GMDS: variants seen among roughly 807,000 people sequenced by gnomAD.
The protein encoded by GMDS is GDP-mannose 4,6 dehydratase.
A neutral mutation model predicts 49.9 loss-of-function variants in GMDS; 20 were observed. That is an observed-to-expected ratio of 0.40 (90% CI 0.28 to 0.58). GMDS has a LOEUF of 0.58. GMDS is among the 20% of genes least tolerant of loss of function. The pLI is 0.42. For synonymous variants in GMDS, 177 were observed against 178.6 expected (o/e 0.99, Z 0.07); for missense variants, 362 against 481.4 (o/e 0.75, Z 2.32).
rs200033125 is a variant in GMDS at position 1,858,971 on chromosome 6, G to GC, written c.771+71131_771+71132insG. On this transcript the variant is annotated intron_variant, in intron 7 of 10. Coordinates refer to ENST00000380815, the MANE Select transcript of GMDS (RefSeq NM_001500.4). ...CAGTGCTTTTTTTGTGTTTTGGGGG[G>GC]GGCAGGCACTTAACTGAGATGACAT... Among the ~76,000 whole-genome samples the GC allele has an allele frequency of 1.6e-3, 243 of 151,894 alleles. 1 individual carries two copies. The highest frequency in any genetic ancestry group is 5.4e-3 in the African/African-American group (223 of 41,368).
At chr6:1,734,608 A>C (rs1457169256) in intron 8 of GMDS, among the ~76,000 whole-genome samples, 1 of 152,226 alleles carries the variant, frequency 6.6e-6, no homozygotes, top group East Asian at 1.9e-4. Flanking sequence ...GTGCCCTCTC[A>C]AAAGGGCATG....
chr6:1,767,728 T>C (rs1768413571), intron 7 of GMDS, among the ~76,000 whole-genome samples: 1 of 152,192 alleles, frequency 6.6e-6, no homozygotes, highest in Non-Finnish European at 1.5e-5. Context: ...ATCCCTTCAC[T>C]GAATCTCTCT....
intron 7 of GMDS, among the ~76,000 whole-genome samples, chr6:1,845,543 T>G (rs924119403): frequency 2.0e-5 from 3 of 152,226 alleles, no homozygotes; most frequent in African/African-American, 7.2e-5. Context: ...GGCTCTCTAC[T>G]ACTTTAAATT....
At chr6:1,643,363 T>C (rs570755622) in intron 9 of GMDS, among the ~76,000 whole-genome samples, 444 of 152,298 alleles carry the variant, frequency 2.9e-3, no homozygotes, top group African/African-American at 0.01. Context: ...AAACGAACCC[T>C]GACTGCCCAC....
At chr6:1,774,370 C>A (rs901231118) in intron 7 of GMDS, among the ~76,000 whole-genome samples, 7 of 152,148 alleles carry the variant, frequency 4.6e-5, no homozygotes, top group African/African-American at 1.7e-4. Context: ...ACACTCAGAG[C>A]AATGAGTTGA....
chr6:2,080,778 C>T (rs1772645242), intron 4 of GMDS, among the ~76,000 whole-genome samples: 1 of 152,074 alleles, frequency 6.6e-6, no homozygotes, highest in Admixed American at 6.5e-5. Flanking sequence ...TCCAAGCAGG[C>T]CAATTCTTGG....
intron 1 of GMDS, among the ~76,000 whole-genome samples, chr6:2,157,529 T>C (rs1328944220): frequency 2.0e-5 from 3 of 152,346 alleles, no homozygotes; most frequent in Non-Finnish European, 2.9e-5. Context: ...CCCATCCCTA[T>C]GGCTAATCTC....
chr6:1,663,331 A>C (rs2569879), intron 9 of GMDS, among the ~76,000 whole-genome samples: 43,027 of 152,074 alleles, frequency 0.28, 6,503 homozygotes, highest in East Asian at 0.59. Context: ...AGCCCAGCTC[A>C]GTCTGAACTG....
chr6:2,177,132 TAAG>T (rs930950807), intron 1 of GMDS, among the ~76,000 whole-genome samples: 1 of 152,074 alleles, frequency 6.6e-6, no homozygotes, highest in Non-Finnish European at 1.5e-5. Flanking sequence ...GTTCAGAGAC[TAAG>T]AAGAAGGGGA....
intron 4 of GMDS, among the ~76,000 whole-genome samples, chr6:2,099,595 T>C (rs145998013): frequency 5.0e-4 from 76 of 152,162 alleles, no homozygotes; most frequent in Middle Eastern, 3.4e-3. Flanking sequence ...ATAGAAAATA[T>C]TCACATACTA....
At chr6:1,933,529 C>T (rs535814816) in intron 6 of GMDS, among the ~76,000 whole-genome samples, 1 of 152,324 alleles carries the variant, frequency 6.6e-6, no homozygotes, top group South Asian at 2.1e-4. Flanking sequence ...CTCCCCAGTA[C>T]TTGTTATGGT....
At chr6:2,081,681 G>C (rs536121715) in intron 4 of GMDS, among the ~76,000 whole-genome samples, 2 of 152,120 alleles carry the variant, frequency 1.3e-5, no homozygotes, top group African/African-American at 4.8e-5. Flanking sequence ...ACAGTGTACC[G>C]ATTTGCTTTT....
rs9391932 is a variant in GMDS at position 1,823,052 on chromosome 6, G to T, written c.772-80466C>A. 8.5e-5 allele frequency among the ~76,000 whole-genome samples: 13 copies of T among 152,114 alleles called. No individual in the cohort carries two copies. The South Asian group carries it at 1.7e-3, about 19-fold the overall frequency. The stretch of plus-strand genomic sequence containing the variant: ...TTGCAAACATCCTCTCAATTCCAGT[G>T]GCTTTTTGTACTTTTATAATTTAGA... On this transcript the variant is annotated intron_variant, in intron 7 of 10. Coordinates refer to ENST00000380815, the MANE Select transcript of GMDS (RefSeq NM_001500.4).
At chr6:1,693,464 C>T (rs1257580323) in intron 9 of GMDS, among the ~76,000 whole-genome samples, 1 of 152,262 alleles carries the variant, frequency 6.6e-6, no homozygotes, top group African/African-American at 2.4e-5. Context: ...GTTCAGTCTC[C>T]CAGCAGTGAG....
At chr6:1,916,553 G>A (rs949774994) in intron 7 of GMDS, among the ~76,000 whole-genome samples, 4 of 151,698 alleles carry the variant, frequency 2.6e-5, no homozygotes, top group African/African-American at 4.8e-5. Flanking sequence ...AGAGAGAGAC[G>A]AAAAAGGGAG....
intron 7 of GMDS, among the ~76,000 whole-genome samples, chr6:1,898,886 G>T (rs1296806719): frequency 6.6e-6 from 1 of 152,162 alleles, no homozygotes; most frequent in Non-Finnish European, 1.5e-5. Flanking sequence ...CGGGGCTCCT[G>T]CCCTAACGGA....
At chr6:1,633,189 AT>A (rs1447983456) in intron 9 of GMDS, among the ~76,000 whole-genome samples, 1 of 152,210 alleles carries the variant, frequency 6.6e-6, no homozygotes, top group African/African-American at 2.4e-5. Flanking sequence ...AAGATGTAAT[AT>A]TTTTAAGTGG....
intron 4 of GMDS, among the ~76,000 whole-genome samples, chr6:1,969,541 G>A (rs1764481817): frequency 6.6e-6 from 1 of 152,100 alleles, no homozygotes; most frequent in South Asian, 2.1e-4. Context: ...GGAATGTGAA[G>A]ACAGGCAAAA....
chr6:2,085,333 T>A (rs894106061), intron 4 of GMDS, among the ~76,000 whole-genome samples: 1 of 152,174 alleles, frequency 6.6e-6, no homozygotes, highest in African/African-American at 2.4e-5. Context: ...GGCTTTTTAG[T>A]ATAGCAAATA....
Sources: allele counts gnomAD v4.1 joint callset (sites outside exome capture counted in the v4.1 genomes callset), GRCh38; gene constraint gnomAD v4.1.1; transcripts MANE v1.5; gene names NCBI Gene and HGNC (gene_info 2026-07-23, HGNC 2026-07-21).